The following TMC1 variants were observed in gnomAD, a reference collection of about 807,000 sequenced individuals.
TMC1 encodes the protein transmembrane channel-like protein 1.
TMC1 carries 84 observed loss-of-function variants against 105.8 expected under a neutral mutation model. The observed-to-expected ratio is 0.79, with a 90% CI of 0.67 to 0.95. The LOEUF (loss-of-function observed/expected upper bound fraction) is 0.95, where lower values mean the gene tolerates loss of function less well. TMC1 is among the 40% of genes least tolerant of loss of function. The pLI is 0.00. For missense variants in TMC1, 817 were observed against 914.1 expected, an observed-to-expected ratio of 0.89 and a Z score of 1.37; for synonymous variants, 315 against 311.5, an observed-to-expected ratio of 1.01 and a Z score of -0.12.
intron 2 of TMC1, among the ~76,000 whole-genome samples, chr9:72,612,482 T>G (rs1052200337): frequency 1.3e-5 from 2 of 151,888 alleles, no homozygotes; most frequent in African/African-American, 4.8e-5. Context: ...CCCAAACATT[T>G]TTTTTTTTTG....
intron 1 of TMC1, among the ~76,000 whole-genome samples, chr9:72,545,882 C>T (rs953944591): frequency 6.6e-6 from 1 of 151,974 alleles, no homozygotes; most frequent in African/African-American, 2.4e-5. Flanking sequence ...ACAATACCTT[C>T]GCTTCTTTCA....
At chr9:72,560,577 C>T (rs1039690971) in intron 1 of TMC1, among the ~76,000 whole-genome samples, 1 of 152,136 alleles carries the variant, frequency 6.6e-6, no homozygotes, top group Non-Finnish European at 1.5e-5. Context: ...CAGCTCACTG[C>T]AACCTCTGCC....
chr9:72,655,602 C>CATGG (rs1241424256), intron 5 of TMC1, among the ~76,000 whole-genome samples: 1 of 151,928 alleles, frequency 6.6e-6, no homozygotes, highest in African/African-American at 2.4e-5. Flanking sequence ...ATTAGCCAGG[C>CATGG]ATGGTGGTGG....
intron 5 of TMC1, among the ~76,000 whole-genome samples, chr9:72,662,930 G>T (rs542006450): frequency 1.3e-5 from 2 of 152,188 alleles, no homozygotes; most frequent in Non-Finnish European, 2.9e-5. Context: ...TAACAACTGG[G>T]ATATATTCTT....
intron 17 of TMC1, among the ~76,000 whole-genome samples, chr9:72,798,352 A>G (rs1828408864): frequency 6.6e-6 from 1 of 152,216 alleles, no homozygotes; most frequent in Non-Finnish European, 1.5e-5. Context: ...CAACCCAGTC[A>G]TCCCATTACT....
intron 2 of TMC1, among the ~76,000 whole-genome samples, chr9:72,601,175 CACACACACACACACACACAG>C (rs1342677734): frequency 6.0e-5 from 8 of 133,988 alleles, no homozygotes; most frequent in Middle Eastern, 4.3e-3. Flanking sequence ...TTTCTACACA[CACACACACACACACACACAG>C]ACACACACAC....
At position 72,570,676 on chromosome 9, in the gene TMC1, C is replaced by CTTT. The variant is rs529953890; in HGVS notation, c.-427-7198_-427-7196dup. On this transcript the variant is annotated intron_variant, in intron 1 of 23. Coordinates refer to ENST00000297784, the MANE Select transcript of TMC1 (RefSeq NM_138691.3). ...AGAAATCTACACTTTGCCAAATTTC[C>CTTT]TTTTTTTTTTTTTTTTTTTTTTTTT... 1.1e-3 allele frequency among the ~76,000 whole-genome samples: 82 copies of CTTT among 75,648 alleles called. 5 individuals are homozygous for CTTT. The highest frequency in any genetic ancestry group is 1.4e-3 in the Admixed American group (7 of 5,124). The allele number at this position is 75,648 out of a possible 152,430, so 49.6% of individuals were successfully genotyped here.
chr9:72,549,811 A>C (rs1823831191), intron 1 of TMC1, among the ~76,000 whole-genome samples: 1 of 151,758 alleles, frequency 6.6e-6, no homozygotes, highest in African/African-American at 2.4e-5. Flanking sequence ...ATGGGGTTTC[A>C]TTATGTTGGC....
At chr9:72,599,546 A>G (rs117294999) in intron 2 of TMC1, among the ~76,000 whole-genome samples, 1,568 of 152,270 alleles carry the variant, frequency 0.01, 9 homozygotes, top group South Asian at 0.014. Flanking sequence ...TTCGATTTTC[A>G]TTATCACAGA....
intron 17 of TMC1, among the ~76,000 whole-genome samples, chr9:72,795,219 A>G (rs969332670): frequency 2.0e-5 from 3 of 152,244 alleles, no homozygotes; most frequent in Non-Finnish European, 2.9e-5. Flanking sequence ...GATATTATCC[A>G]TGAAAACTTC....
At chr9:72,796,715 A>T (rs1049816770) in intron 17 of TMC1, among the ~76,000 whole-genome samples, 4 of 152,222 alleles carry the variant, frequency 2.6e-5, no homozygotes, top group African/African-American at 9.6e-5. Flanking sequence ...TATTGAAGGA[A>T]CATACCTCAA....
chr9:72,636,158 A>T (rs1825531226), intron 4 of TMC1, among the ~76,000 whole-genome samples: 1 of 152,206 alleles, frequency 6.6e-6, no homozygotes, highest in African/African-American at 2.4e-5. Context: ...CTTTCTAAGT[A>T]TAGATGGTCA....
intron 5 of TMC1, chr9:72,651,586 G>A (rs1027560299): frequency 6.6e-6 from 1 of 151,936 alleles, no homozygotes; most frequent in Non-Finnish European, 1.5e-5. Flanking sequence ...TGATGTGCAT[G>A]ATGTCTCTGT....
chr9:72,598,324 G>A (rs574012506), intron 2 of TMC1, among the ~76,000 whole-genome samples: 6 of 150,968 alleles, frequency 4.0e-5, no homozygotes, highest in African/African-American at 1.5e-4. Flanking sequence ...CAGTCTCTGT[G>A]ACTGAAAGGG....
At chr9:72,673,532 ATAACTT>A (rs943194403) in intron 5 of TMC1, among the ~76,000 whole-genome samples, 4 of 152,134 alleles carry the variant, frequency 2.6e-5, no homozygotes, top group African/African-American at 9.7e-5. Flanking sequence ...CCAAAAATAA[ATAACTT>A]TAGTATAACA....
At chr9:72,728,878 T>A (rs1401246537) in intron 8 of TMC1, among the ~76,000 whole-genome samples, 1 of 152,048 alleles carries the variant, frequency 6.6e-6, no homozygotes, top group African/African-American at 2.4e-5. Flanking sequence ...TAGTGTGCTT[T>A]TATTTTTAAA....
At position 72,816,154 on chromosome 9, in the gene TMC1, C is replaced by T. The variant is rs760464772; in HGVS notation, c.1707C>T (p.Thr569=). Residue 569 remains threonine (T), a synonymous_variant, in exon 19 of 24, where the codon ACC becomes ACT. Coordinates refer to ENST00000297784, the MANE Select transcript of TMC1 (RefSeq NM_138691.3). ...WDLEYGYPSY[T]EFDISGNVLA... is the part of the protein sequence containing the mutation. ...TGTGTCTCCTCTAGCCTTCATACAC[C>T]GAATTCGACATCAGTGGCAACGTCC... 8 of 1,613,266 alleles carry T rather than the reference C, an allele frequency of 5.0e-6. 1 individual carries two copies. In the South Asian group the frequency reaches 5.5e-5, roughly 11 times the overall value.
intron 4 of TMC1, among the ~76,000 whole-genome samples, chr9:72,632,092 A>G (rs1226714064): frequency 1.3e-5 from 2 of 152,208 alleles, no homozygotes; most frequent in Non-Finnish European, 2.9e-5. Flanking sequence ...TATGAGAAGC[A>G]TGGTGCCAGC....
chr9:72,766,229 A>G (rs1271503122), intron 12 of TMC1, among the ~76,000 whole-genome samples: 1 of 151,986 alleles, frequency 6.6e-6, no homozygotes, highest in East Asian at 1.9e-4. Context: ...CATCCTGGCT[A>G]ACATGGTGAA....
Sources: allele counts gnomAD v4.1 joint callset (sites outside exome capture counted in the v4.1 genomes callset), GRCh38; gene constraint gnomAD v4.1.1; transcripts MANE v1.5; gene names NCBI Gene and HGNC (gene_info 2026-07-23, HGNC 2026-07-21).